Variants in RHOBTB3 observed in about 807,000 individuals in gnomAD.
RHOBTB3 encodes rho-related BTB domain-containing protein 3.
RHOBTB3 carries 47 observed loss-of-function variants against 67.2 expected under a neutral mutation model. The ratio of observed to expected loss-of-function variants is 0.70; its 90% CI spans 0.55 to 0.89. The LOEUF is 0.89. Ranked by LOEUF, RHOBTB3 falls within the 40% of genes least tolerant of loss-of-function variation. The probability of loss-of-function intolerance (pLI) is 0.00; values close to 1 mark genes in which losing one functional copy is unlikely to be tolerated. For missense variants in RHOBTB3, 631 were observed against 750.0 expected (o/e 0.84, Z 1.85); for synonymous variants, 273 against 274.2 (o/e 1.00, Z 0.04).
At chr5:95,748,933 T>A (rs1224544015) in intron 4 of RHOBTB3, among the ~76,000 whole-genome samples, 2 of 152,228 alleles carry the variant, frequency 1.3e-5, no homozygotes, top group Admixed American at 1.3e-4. Flanking sequence ...ATCCTCCTAA[T>A]CTTGTTGTGG....
At chr5:95,764,687 A>G (rs1227013117) in intron 7 of RHOBTB3, among the ~76,000 whole-genome samples, 2 of 152,202 alleles carry the variant, frequency 1.3e-5, no homozygotes, top group Admixed American at 1.3e-4. Flanking sequence ...TATAAGAAAA[A>G]TGATGATTCC....
intron 3 of RHOBTB3, among the ~76,000 whole-genome samples, chr5:95,740,047 T>C (rs559918146): frequency 2.0e-5 from 3 of 152,260 alleles, no homozygotes; most frequent in Non-Finnish European, 2.9e-5. Flanking sequence ...AGCGGGTTTT[T>C]CCTGTGCTAT....
chr5:95,789,853 A>G (rs1161996023), intron 11 of RHOBTB3, among the ~76,000 whole-genome samples: 1 of 152,234 alleles, frequency 6.6e-6, no homozygotes, highest in African/African-American at 2.4e-5. Flanking sequence ...CTGGTAAAAG[A>G]TATAAAAATC....
At chr5:95,757,071 T>G (rs1237506793) in intron 6 of RHOBTB3, among the ~76,000 whole-genome samples, 1 of 152,224 alleles carries the variant, frequency 6.6e-6, no homozygotes, top group Non-Finnish European at 1.5e-5. Flanking sequence ...AGTTGAGGTC[T>G]AATTAACTTT....
At chr5:95,742,078 A>C (rs1354197671) in intron 3 of RHOBTB3, among the ~76,000 whole-genome samples, 1 of 152,162 alleles carries the variant, frequency 6.6e-6, no homozygotes, top group African/African-American at 2.4e-5. Flanking sequence ...GACTTTGCCT[A>C]TCCCAGTCCT....
chr5:95,720,431 A>C (rs1235175731), intron 1 of RHOBTB3, among the ~76,000 whole-genome samples: 6 of 152,256 alleles, frequency 3.9e-5, no homozygotes, highest in Non-Finnish European at 8.8e-5. Flanking sequence ...AATTTATATT[A>C]GATCATAGTG....
chr5:95,727,699 T>C (rs1755099756), upstream of RHOBTB3, among the ~76,000 whole-genome samples: 1 of 152,132 alleles, frequency 6.6e-6, no homozygotes, highest in South Asian at 2.1e-4. Flanking sequence ...CAAATAAAAA[T>C]TTAAAATACA....
At chr5:95,773,342 G>GC (rs2112820943) in intron 8 of RHOBTB3, among the ~76,000 whole-genome samples, 1 of 152,248 alleles carries the variant, frequency 6.6e-6, no homozygotes, top group African/African-American at 2.4e-5. Context: ...CTAAAACCAA[G>GC]TCTTCTTAGG....
At position 95,731,921 on chromosome 5, in the gene RHOBTB3, C is replaced by T. The variant is rs1755279653; in HGVS notation, c.65C>T (p.Ser22Leu). ...GDTFHQDNRP[S>L]GLIRTYLGRS... Reference sequence around the variant, plus strand: ...ACATTCCACCAGGACAACCGGCCGTCGGGGCTTATCCGCACTTACCTGGGG... The same window carrying T: ...ACATTCCACCAGGACAACCGGCCGTTGGGGCTTATCCGCACTTACCTGGGG... Residue 22 changes from serine to leucine, a missense_variant, in exon 2 of 12, where the codon TCG becomes TTG. Physicochemically the swap from Ser to Leu is moderately radical, Grantham distance 145. Coordinates refer to ENST00000379982, the MANE Select transcript of RHOBTB3 (RefSeq NM_014899.4). The T allele has an allele frequency of 1.9e-6, 3 of 1,614,112 alleles. No individual in the cohort carries two copies. The highest frequency in any genetic ancestry group is 1.3e-5 in the African/African-American group (1 of 75,050).
rs1045552327 is a variant in RHOBTB3 at position 95,793,591 on chromosome 5, T to A, written c.*417T>A. On this transcript the variant is annotated 3_prime_UTR_variant, in exon 12 of 12. Coordinates refer to ENST00000379982, the MANE Select transcript of RHOBTB3 (RefSeq NM_014899.4). Reference sequence around the variant, plus strand: ...AGACCCAGCATAACCATTTGTATAATGAGAAATCTAGGGGAAAACCAATCA... The same window carrying A: ...AGACCCAGCATAACCATTTGTATAAAGAGAAATCTAGGGGAAAACCAATCA... 5.9e-6 allele frequency: 1 copy of A among 169,068 alleles called. No individual in the cohort carries two copies. The highest frequency in any genetic ancestry group is 2.4e-5 in the African/African-American group (1 of 41,622). The allele number at this position is 169,068 out of a possible 1,614,324, so 10.5% of individuals were successfully genotyped here.
chr5:95,780,312 T>C lies in RHOBTB3; in HGVS notation c.1343T>C (p.Met448Thr). 1 of 1,614,006 alleles carries C rather than the reference T, an allele frequency of 6.2e-7. No individual in the cohort carries two copies. Among genetic ancestry groups the C allele is most frequent in the Non-Finnish European group, 8.5e-7 (1 of 1,179,850 alleles). ...LVARCEVMAA[M>T]FNGNYMEAKS... is the part of the protein sequence containing the mutation. ...GCCCGTTGTGAAGTGATGGCAGCCA[T>C]GTTTAATGGTAATTACATGGAAGCA... The change falls in exon 9 of 12, where the codon ATG becomes ACG. Residue 448 changes from methionine (M) to threonine (T), a missense_variant. Physicochemically the swap from Met to Thr is moderately conservative, Grantham distance 81. Coordinates refer to ENST00000379982, the MANE Select transcript of RHOBTB3 (RefSeq NM_014899.4).
At position 95,793,581 on chromosome 5, in the gene RHOBTB3, A is replaced by G. The variant is rs1746483862; in HGVS notation, c.*407A>G. 1 of 169,262 alleles carries G rather than the reference A, an allele frequency of 5.9e-6. No homozygotes were observed. The highest frequency in any genetic ancestry group is 1.3e-5 in the Non-Finnish European group (1 of 77,398). 10.5% of individuals were successfully genotyped at this position (169,262 alleles called of 1,614,324 possible). On this transcript the variant is annotated 3_prime_UTR_variant, in exon 12 of 12. Coordinates refer to ENST00000379982, the MANE Select transcript of RHOBTB3 (RefSeq NM_014899.4). ...GGGCATTTAAAGACCCAGCATAACCATTTGTATAATGAGAAATCTAGGGGA... is the reference window on the plus strand; with the variant it reads ...GGGCATTTAAAGACCCAGCATAACCGTTTGTATAATGAGAAATCTAGGGGA...
chr5:95,766,181 T>C (rs1233533744), intron 7 of RHOBTB3, among the ~76,000 whole-genome samples: 2 of 152,102 alleles, frequency 1.3e-5, no homozygotes, highest in African/African-American at 4.8e-5. Context: ...AATATCATTT[T>C]TCCCCCCTCA....
chr5:95,788,520 G>A (rs958007792), intron 10 of RHOBTB3, among the ~76,000 whole-genome samples: 4 of 152,126 alleles, frequency 2.6e-5, no homozygotes, highest in Admixed American at 6.5e-5. Flanking sequence ...TGGCCACTCC[G>A]GCAGCCGTAG....
At position 95,733,250 on chromosome 5, in the gene RHOBTB3, A is replaced by T. The variant is rs116675502; in HGVS notation, c.228+1166A>T. Among the ~76,000 whole-genome samples, 772 of 152,356 alleles carry T rather than the reference A, an allele frequency of 5.1e-3. 4 individuals are homozygous for T. Among genetic ancestry groups the T allele is most frequent in the Non-Finnish European group, 8.3e-3 (565 of 68,032 alleles). ...TAAACCCCTAGTTATGATAGTGATG[A>T]TGCTGTTCATAAGAAGTATTGATGG... On this transcript the variant is annotated intron_variant, in intron 2 of 11. Coordinates refer to ENST00000379982, the MANE Select transcript of RHOBTB3 (RefSeq NM_014899.4).
chr5:95,724,040 C>T lies in RHOBTB3; in HGVS notation n.133+6275C>T, dbSNP rs147816278. Among the ~76,000 whole-genome samples the T allele has an allele frequency of 1.8e-4, 28 of 152,240 alleles. 1 individual carries two copies. The highest frequency in any genetic ancestry group is 7.8e-4 in the Admixed American group (12 of 15,308). ...TTAATGGTGATACGTCATTTGATAA[C>T]GATACATACATTATGAAATTTTCCT... On this transcript the variant is annotated intron_variant and non_coding_transcript_variant, in intron 1 of 5. Coordinates refer to the RHOBTB3 transcript ENST00000504949.
chr5:95,731,293 A>T (rs1755231890), upstream of RHOBTB3: 5 of 1,029,830 alleles, frequency 4.9e-6, no homozygotes, highest in African/African-American at 1.7e-5. Flanking sequence ...GATCTCCCCG[A>T]CCCCCCTTCT....
At chr5:95,776,664 T>A (rs936872830) in intron 8 of RHOBTB3, among the ~76,000 whole-genome samples, 1 of 152,192 alleles carries the variant, frequency 6.6e-6, no homozygotes, top group African/African-American at 2.4e-5. Flanking sequence ...GGTAGTGCCA[T>A]GGGTCAGAAA....
At chr5:95,752,142 G>A (rs1428405764) in intron 4 of RHOBTB3, 97 bp from the exon 5 acceptor site, 19 of 725,872 alleles carry the variant, frequency 2.6e-5, no homozygotes, top group Middle Eastern at 2.9e-4. Context: ...TGGTACTGAC[G>A]TTTAAAATGT....
Sources: gnomAD v4.1 joint callset for allele counts (sites outside exome capture counted in the v4.1 genomes callset) on GRCh38, gnomAD v4.1.1 for gene constraint, MANE v1.5 for transcripts, NCBI Gene and HGNC (gene_info 2026-07-23, HGNC 2026-07-21) for gene names.